The following SLC52A1 variants were observed in gnomAD, a reference collection of about 807,000 sequenced individuals.
SLC52A1 encodes the protein solute carrier family 52 member 1.
A neutral mutation model predicts 23.2 loss-of-function variants in SLC52A1; 20 were observed. The observed-to-expected ratio is 0.86, with a 90% confidence interval of 0.61 to 1.25. SLC52A1 has a LOEUF of 1.25. Ranked by LOEUF, SLC52A1 falls within the 50% of genes most tolerant of loss-of-function variation. SLC52A1 has a pLI of 0.00. For synonymous variants in SLC52A1, 260 were observed against 256.6 expected, an observed-to-expected ratio of 1.01 and a Z score of -0.13; for missense variants, 528 against 557.0, an observed-to-expected ratio of 0.95 and a Z score of 0.52.
In SLC52A1 at chr17:5,034,108, G is replaced by A. The variant is rs983642564; in HGVS notation, c.381C>T (p.Thr127=). The part of the protein sequence containing the change: ...LALVLAMACC[T]SNVTFLPFLS... Reference sequence around the variant, plus strand: ...GGAAGGGCAGGAAAGTGACATTAGAGGTACAACAGGCCATTGCCAACACCA... The same window carrying A: ...GGAAGGGCAGGAAAGTGACATTAGAAGTACAACAGGCCATTGCCAACACCA... The change falls in exon 3 of 5, where the codon ACC becomes ACT. Residue 127 remains threonine, a synonymous_variant. Transcript: ENST00000254853. 1.9e-6 allele frequency: 3 copies of A among 1,614,108 alleles called. No individual in the cohort carries two copies. The Admixed American group carries it at 5.0e-5, about 27-fold the overall frequency.
At chr17:5,038,004 T>C (rs1039944051), upstream of SLC52A1, among the ~76,000 whole-genome samples, 4 of 144,480 alleles carry the variant, frequency 2.8e-5, no homozygotes, top group Admixed American at 2.1e-4. Flanking sequence ...CTGCAAGCTC[T>C]GCCTCCCAGG....
upstream of SLC52A1, among the ~76,000 whole-genome samples, chr17:5,035,873 ATTTTTTTTTTTTT>A (rs71149503): frequency 2.2e-4 from 10 of 45,302 alleles, no homozygotes; most frequent in Admixed American, 4.3e-4. Context: ...TGTCCAGCTA[ATTTTTTTTTTTTT>A]TTTTTTTTTT....
rs572269032 is a variant in SLC52A1 at position 5,041,511 on chromosome 17, C to T, written c.-107-6798G>A. Among the ~76,000 whole-genome samples, 3 of 151,580 alleles carry T rather than the reference C, an allele frequency of 2.0e-5. No homozygotes were observed. The East Asian group carries it at 5.8e-4, about 29-fold the overall frequency. ...TGTTTTTCTGAGATGGAGTTTCACT[C>T]TTATTGCCCAGGCTGGGGTGCAATG... On this transcript the variant is annotated intron_variant, in intron 1 of 3. Coordinates refer to the SLC52A1 transcript ENST00000512825.
upstream of SLC52A1, among the ~76,000 whole-genome samples, chr17:5,035,690 T>TTTAA (rs1348709677): frequency 6.6e-6 from 1 of 152,086 alleles, no homozygotes; most frequent in Non-Finnish European, 1.5e-5. Context: ...TGTTTGTTGT[T>TTTAA]TTAATTAATT....
chr17:5,035,962 T>C (rs1229482524), upstream of SLC52A1, among the ~76,000 whole-genome samples: 1 of 141,576 alleles, frequency 7.1e-6, no homozygotes, highest in Non-Finnish European at 1.5e-5. Context: ...TCAAGCAATC[T>C]TCCTACCTCA....
upstream of SLC52A1, among the ~76,000 whole-genome samples, chr17:5,039,421 C>G (rs1567737278): frequency 6.6e-6 from 1 of 152,154 alleles, no homozygotes; most frequent in Non-Finnish European, 1.5e-5. Flanking sequence ...CAGGAACTGT[C>G]CCCTTAACGT....
rs755105402 is a variant in SLC52A1 at position 5,034,593 on chromosome 17, G to A, written c.14C>T (p.Thr5Met). 7.4e-6 allele frequency: 12 copies of A among 1,614,180 alleles called. No homozygotes were observed. The South Asian group carries it at 7.7e-5, about 10-fold the overall frequency. The change falls in exon 2 of 5, where the codon ACG becomes ATG. Residue 5 changes from threonine to methionine, a missense_variant. By Grantham distance (81) the Thr-to-Met change is moderately conservative. Coordinates refer to ENST00000254853, the MANE Select transcript of SLC52A1 (RefSeq NM_017986.4). ...GTGGGTCAGCACCAGACGGCCCAGC[G>A]TGGGTGCTGCCATTCAGCCCAAAGC... MAAP[T>M]LGRLVLTHLL...
At position 5,034,638 on chromosome 17, in the gene SLC52A1, C is replaced by T; in HGVS notation, c.-32G>A. ...CAAAGCTGGACCCTCCAGGACAGGG[C>T]AAAGGTCACAGGCAGGTCCTTCCCT... On this transcript the variant is annotated 5_prime_UTR_variant, in exon 2 of 5. Transcript: ENST00000254853. The T allele has an allele frequency of 4.3e-6, 7 of 1,612,156 alleles. No individual in the cohort carries two copies. The highest frequency in any genetic ancestry group is 5.9e-6 in the Non-Finnish European group (7 of 1,179,134).
At chr17:5,036,257 T>G (rs1229179728), upstream of SLC52A1, among the ~76,000 whole-genome samples, 1 of 151,658 alleles carries the variant, frequency 6.6e-6, no homozygotes, top group Admixed American at 6.6e-5. Context: ...CTTGAACTCC[T>G]GACCTCAGGT....
At position 5,032,780 on chromosome 17, in the gene SLC52A1, G is replaced by T; in HGVS notation, c.*177C>A. The T allele has an allele frequency of 3.2e-6, 2 of 622,454 alleles. No individual in the cohort carries two copies. Among genetic ancestry groups the T allele is most frequent in the Non-Finnish European group, 5.6e-6 (2 of 357,690 alleles). The allele number at this position is 622,454 out of a possible 1,614,324, so 38.6% of individuals were successfully genotyped here. On this transcript the variant is annotated 3_prime_UTR_variant, in exon 5 of 5. Transcript: ENST00000254853. ...AGCCCCAACCTGTCCCCTGGCTCTG[G>T]GCCTGGTCTTTGGTGCCCACCCTGG... is the stretch of plus-strand genomic sequence containing the variant.
At chr17:5,041,569 C>A (rs1163492120) in intron 1 of SLC52A1, among the ~76,000 whole-genome samples, 4 of 152,146 alleles carry the variant, frequency 2.6e-5, no homozygotes, top group Non-Finnish European at 4.4e-5. Flanking sequence ...CCTCCGCTTC[C>A]TGGGTTCAAG....
At chr17:5,038,717 G>C (rs905043666), upstream of SLC52A1, among the ~76,000 whole-genome samples, 1 of 151,860 alleles carries the variant, frequency 6.6e-6, no homozygotes, top group South Asian at 2.1e-4. Context: ...CTCCTGAGTA[G>C]CTGGGACTAC....
upstream of SLC52A1, among the ~76,000 whole-genome samples, chr17:5,039,323 TAA>T (rs1266960382): frequency 7.3e-6 from 1 of 136,564 alleles, no homozygotes. Flanking sequence ...ACTCCATCTC[TAA>T]AAAAAAAAAA....
chr17:5,040,838 C>G (rs1424941443), intron 1 of SLC52A1, among the ~76,000 whole-genome samples: 1 of 151,948 alleles, frequency 6.6e-6, no homozygotes, highest in Non-Finnish European at 1.5e-5. Flanking sequence ...CTCTGTAACC[C>G]AGGCTGGAGT....
rs556035350 is a variant in SLC52A1, at chr17:5,034,759, G to A, written c.-107-46C>T. 14 of 996,596 alleles carry A rather than the reference G, an allele frequency of 1.4e-5. No individual in the cohort carries two copies. In the African/African-American group the frequency reaches 2.3e-4, roughly 16 times the overall value. The allele number at this position is 996,596 out of a possible 1,614,324, so 61.7% of individuals were successfully genotyped here. ...TGGCAGGTAATAGGCTGGTGGGACAGAACCGGAGTCAGAAGACAAGTCGGT... is the reference window on the plus strand; with the variant it reads ...TGGCAGGTAATAGGCTGGTGGGACAAAACCGGAGTCAGAAGACAAGTCGGT... On this transcript the variant is annotated intron_variant, in intron 1 of 4. Transcript: ENST00000254853.
rs145524474 is a variant in SLC52A1, at chr17:5,033,874, G to A, written c.615C>T (p.Val205=). 132 of 1,614,136 alleles carry A rather than the reference G, an allele frequency of 8.2e-5. No individual in the cohort carries two copies. Among genetic ancestry groups the A allele is most frequent in the Non-Finnish European group, 7.3e-5 (86 of 1,180,060 alleles). Residue 205 remains valine (V), a synonymous_variant, in exon 3 of 5, where the codon GTC becomes GTT. Coordinates refer to ENST00000254853, the MANE Select transcript of SLC52A1 (RefSeq NM_017986.4). ...TFFWALTALL[V]TSAAAFRGLL... ...GACCCCGGAAGGCGGCAGCTGAAGT[G>A]ACCAGAAGGGCAGTCAGTGCCCAGA...
At chr17:5,035,713 G>A (rs1007219860), upstream of SLC52A1, among the ~76,000 whole-genome samples, 10 of 151,896 alleles carry the variant, frequency 6.6e-5, no homozygotes, top group Admixed American at 2.0e-4. Flanking sequence ...TTAATTTTGA[G>A]ACGGGGTCTC....
At chr17:5,041,946 G>T (rs1280260229) in intron 1 of SLC52A1, among the ~76,000 whole-genome samples, 4 of 151,854 alleles carry the variant, frequency 2.6e-5, no homozygotes, top group African/African-American at 9.7e-5. Context: ...GTGTTTCCCA[G>T]ACTGGTCTCA....
chr17:5,035,566 C>A (rs1431867241), upstream of SLC52A1: 1 of 152,232 alleles, frequency 6.6e-6, no homozygotes, highest in African/African-American at 2.4e-5. Context: ...GCAGGGGTCC[C>A]CGCACCTCCG....
Sources: allele counts gnomAD v4.1 joint callset (sites outside exome capture counted in the v4.1 genomes callset), GRCh38; gene constraint gnomAD v4.1.1; transcripts MANE v1.5; gene names NCBI Gene and HGNC (gene_info 2026-07-23, HGNC 2026-07-21).